TMEM132D: variants seen among roughly 807,000 people sequenced by gnomAD.
TMEM132D encodes mature OL transmembrane protein.
In TMEM132D, 21 loss-of-function variants were observed where a neutral mutation model predicts 62.3. The ratio of observed to expected loss-of-function variants is 0.34; its 90% CI spans 0.24 to 0.49. The LOEUF (loss-of-function observed/expected upper bound fraction) is 0.49. Among genes scored for constraint, TMEM132D ranks in the 20% least tolerant of loss-of-function variants. The pLI is 0.99. For missense variants in TMEM132D, 1,346 were observed against 1,402.8 expected (o/e 0.96, Z 0.65); for synonymous variants, 621 against 575.6 (o/e 1.08, Z -1.13).
intron 3 of TMEM132D, among the ~76,000 whole-genome samples, chr12:129,387,452 CAGTAAT>C (rs900392359): frequency 2.4e-4 from 30 of 122,454 alleles, no homozygotes; most frequent in Admixed American, 9.7e-4. Context: ...CTAACACTAA[CAGTAAT>C]ACTATGTGCC....
chr12:129,644,984 T>TAAA (rs749612311), intron 2 of TMEM132D, among the ~76,000 whole-genome samples: 1,970 of 63,362 alleles, frequency 0.031, 78 homozygotes, highest in Non-Finnish European at 0.046. Context: ...ATAGTCCATC[T>TAAA]AAAAAAAAAA....
intron 4 of TMEM132D, among the ~76,000 whole-genome samples, chr12:129,237,245 T>C (rs1879810332): frequency 6.6e-6 from 1 of 152,226 alleles, no homozygotes; most frequent in African/African-American, 2.4e-5. Flanking sequence ...AAAAGAATTC[T>C]TATTTTTCTC....
chr12:129,619,585 C>T (rs879548399), intron 2 of TMEM132D, among the ~76,000 whole-genome samples: 1 of 152,222 alleles, frequency 6.6e-6, no homozygotes, highest in Non-Finnish European at 1.5e-5. Flanking sequence ...GATTTTTTAA[C>T]TTCCGCCAAA....
intron 2 of TMEM132D, among the ~76,000 whole-genome samples, chr12:129,621,520 T>TG (rs5801866): frequency 0.62 from 94,889 of 151,954 alleles, 30,060 homozygotes; most frequent in East Asian, 0.74. Context: ...ATGCTGTGCT[T>TG]GCACCACCGA....
At position 129,252,408 on chromosome 12, in the gene TMEM132D, G is replaced by A. The variant is rs1211893314; in HGVS notation, c.1300-42745C>T. 2.0e-5 allele frequency among the ~76,000 whole-genome samples: 3 copies of A among 152,084 alleles called. No homozygotes were observed. In the East Asian group the frequency reaches 5.8e-4, roughly 29 times the overall value. On this transcript the variant is annotated intron_variant, in intron 4 of 8. Coordinates refer to ENST00000422113, the MANE Select transcript of TMEM132D (RefSeq NM_133448.3). Reference sequence around the variant, plus strand: ...ATGAGTTTTGCTCCTCAAGGTTCCTGGTGAAACTTCTTCCTAAGTGGGAAG... The same window carrying A: ...ATGAGTTTTGCTCCTCAAGGTTCCTAGTGAAACTTCTTCCTAAGTGGGAAG...
At chr12:129,790,035 G>A (rs1313829306) in intron 1 of TMEM132D, among the ~76,000 whole-genome samples, 1 of 152,186 alleles carries the variant, frequency 6.6e-6, no homozygotes, top group Non-Finnish European at 1.5e-5. Context: ...TAGAACTAGC[G>A]GGCTGCTTCG....
chr12:129,443,349 C>T (rs35454991), intron 3 of TMEM132D, among the ~76,000 whole-genome samples: 21,161 of 152,198 alleles, frequency 0.14, 1,645 homozygotes, highest in South Asian at 0.27. Flanking sequence ...CTCTGGGCAT[C>T]GCAAGTCTCT....
At chr12:129,325,622 T>C (rs1424390370) in intron 4 of TMEM132D, among the ~76,000 whole-genome samples, 1 of 152,180 alleles carries the variant, frequency 6.6e-6, no homozygotes, top group Non-Finnish European at 1.5e-5. Flanking sequence ...GAACCCCTCA[T>C]GCACTCCAGC....
Position 129,073,982 on chromosome 12 carries a change from T to TG in TMEM132D, c.3192dup (p.Ile1065HisfsTer5). On this transcript the variant is annotated frameshift_variant, in exon 9 of 9. Coordinates refer to ENST00000422113, the MANE Select transcript of TMEM132D (RefSeq NM_133448.3). LOFTEE classifies it low-confidence loss of function (END_TRUNC). ...ATGTCATCCTCGCTACTCATCACGA[T>TG]GGAGTTCCTGGTGGGGTACTCGTCG... 1 of 1,613,948 alleles carries TG rather than the reference T, an allele frequency of 6.2e-7. No homozygotes were observed. Among genetic ancestry groups the TG allele is most frequent in the Non-Finnish European group, 8.5e-7 (1 of 1,179,890 alleles).
At chr12:129,122,162 C>T (rs1347085502) in intron 5 of TMEM132D, among the ~76,000 whole-genome samples, 1 of 152,200 alleles carries the variant, frequency 6.6e-6, no homozygotes, top group Non-Finnish European at 1.5e-5. Context: ...ATTGTGTCCT[C>T]ACTGTAAATT....
chr12:129,514,030 G>C (rs757964767), intron 3 of TMEM132D, among the ~76,000 whole-genome samples: 2 of 149,452 alleles, frequency 1.3e-5, no homozygotes, highest in Non-Finnish European at 3.0e-5. Context: ...CAGTGGAGAC[G>C]GGGTTTCACT....
At chr12:129,174,233 C>T (rs1326548143) in intron 5 of TMEM132D, among the ~76,000 whole-genome samples, 7 of 152,104 alleles carry the variant, frequency 4.6e-5, no homozygotes, top group Admixed American at 2.6e-4. Flanking sequence ...CCCCTTGCCC[C>T]CCACCCCTCA....
At chr12:129,533,946 T>G (rs1351061187) in intron 2 of TMEM132D, among the ~76,000 whole-genome samples, 1 of 152,208 alleles carries the variant, frequency 6.6e-6, no homozygotes, top group Non-Finnish European at 1.5e-5. Context: ...ATGGTCATTC[T>G]TCGGAGATGT....
At chr12:129,211,677 A>G (rs1879052191) in intron 4 of TMEM132D, among the ~76,000 whole-genome samples, 1 of 152,224 alleles carries the variant, frequency 6.6e-6, no homozygotes, top group Non-Finnish European at 1.5e-5. Flanking sequence ...TTTTAATTCT[A>G]AAAGACAAGA....
chr12:129,363,594 T>A (rs1447247057), intron 3 of TMEM132D, among the ~76,000 whole-genome samples: 5 of 152,228 alleles, frequency 3.3e-5, no homozygotes, highest in African/African-American at 1.2e-4. Context: ...TGTATCTAGT[T>A]GATTCCTCAT....
chr12:129,354,720 T>A (rs910822565), intron 3 of TMEM132D, among the ~76,000 whole-genome samples: 2 of 152,214 alleles, frequency 1.3e-5, no homozygotes, highest in Non-Finnish European at 2.9e-5. Flanking sequence ...TAAGGTGACA[T>A]TATTACTCCC....
chr12:129,638,494 TATATATAAA>T lies in TMEM132D; in HGVS notation c.968+61307_968+61315del, dbSNP rs1879546110. 1.8e-5 allele frequency among the ~76,000 whole-genome samples: 2 copies of T among 110,068 alleles called. 1 individual carries two copies. Among genetic ancestry groups the T allele is most frequent in the Non-Finnish European group, 4.0e-5 (2 of 50,462 alleles). The allele number at this position is 110,068 out of a possible 152,430, so 72.2% of individuals were successfully genotyped here. ...ACTATATATATAGTGTGATTTTTTA[TATATATAAA>T]CATATATAAATATATATAAATATAT... On this transcript the variant is annotated intron_variant, in intron 2 of 8. Coordinates refer to ENST00000422113, the MANE Select transcript of TMEM132D (RefSeq NM_133448.3).
chr12:129,458,046 CTGA>C (rs2135730664), intron 3 of TMEM132D, among the ~76,000 whole-genome samples: 1 of 152,306 alleles, frequency 6.6e-6, no homozygotes, highest in East Asian at 1.9e-4. Context: ...GCCTCCAGCT[CTGA>C]TGAGCCTCTG....
intron 4 of TMEM132D, among the ~76,000 whole-genome samples, chr12:129,229,785 T>C (rs574512497): frequency 4.6e-5 from 7 of 152,336 alleles, no homozygotes; most frequent in Non-Finnish European, 7.4e-5. Flanking sequence ...AGTCCTTTTT[T>C]AACCTGCAAG....
Sources: allele counts gnomAD v4.1 joint callset (sites outside exome capture counted in the v4.1 genomes callset), GRCh38; gene constraint gnomAD v4.1.1; transcripts MANE v1.5; gene names NCBI Gene and HGNC (gene_info 2026-07-23, HGNC 2026-07-21).